PCLO: variants seen among roughly 807,000 people sequenced by gnomAD.
PCLO encodes the protein protein piccolo.
A neutral mutation model predicts 427.5 loss-of-function variants in PCLO; 82 were observed. The observed-to-expected ratio is 0.19, with a 90% CI of 0.16 to 0.23. The LOEUF (loss-of-function observed/expected upper bound fraction) is 0.23. Ranked by LOEUF, PCLO falls within the 10% of genes least tolerant of loss-of-function variation. PCLO has a pLI of 1.00. For synonymous variants in PCLO, 2,357 were observed against 2,155.4 expected (o/e 1.09, Z -2.59); for missense variants, 6,239 against 6,115.9 (o/e 1.02, Z -0.67).
At chr7:82,797,162 T>G (rs867525206) in intron 22 of PCLO, among the ~76,000 whole-genome samples, 18 of 152,224 alleles carry the variant, frequency 1.2e-4, no homozygotes, top group African/African-American at 3.1e-4. Context: ...TTACTGAAAC[T>G]AAATTGGATT....
At position 82,949,682 on chromosome 7, in the gene PCLO, A is replaced by G; in HGVS notation, c.10906T>C (p.Leu3636=). ...TCATAAGGTACAAAGGCTGATTCTAAGGCTTTGCCTGGTGAAAGTGGTGAG... is the reference window on the plus strand; with the variant it reads ...TCATAAGGTACAAAGGCTGATTCTAGGGCTTTGCCTGGTGAAAGTGGTGAG... The part of the protein sequence containing the change: ...PISPLSPGKA[L]ESAFVPYEKP... The change falls in exon 6 of 25, where the codon TTA becomes CTA. Residue 3636 remains leucine (L), a synonymous_variant. Transcript: ENST00000333891. 1 of 1,613,892 alleles carries G rather than the reference A, an allele frequency of 6.2e-7. No individual in the cohort carries two copies. The highest frequency in any genetic ancestry group is 2.2e-5 in the East Asian group (1 of 44,864).
intron 10 of PCLO, among the ~76,000 whole-genome samples, chr7:82,852,321 A>G (rs1562818777): frequency 6.6e-6 from 1 of 152,130 alleles, no homozygotes. Flanking sequence ...AAATCAGATT[A>G]ACATTTTAGT....
At chr7:82,805,922 G>T in intron 20 of PCLO, 93 bp from the exon 21 acceptor site, 1 of 1,276,036 alleles carries the variant, frequency 7.8e-7, no homozygotes, top group Non-Finnish European at 1.1e-6. Context: ...TAATTTACAT[G>T]TGACAAGAAA....
intron 3 of PCLO, among the ~76,000 whole-genome samples, chr7:83,059,213 A>C (rs984472170): frequency 1.6e-4 from 24 of 149,398 alleles, no homozygotes; most frequent in Admixed American, 5.4e-4. Flanking sequence ...TTTTCTTAGC[A>C]CTTGTGGAAC....
rs776869234 is a variant in PCLO at position 82,955,943 on chromosome 7, A to T, written c.5010T>A (p.Ile1670=). ...TATCTGCTATTGTACTGTTGAGCTC[A>T]ATTGTTTTAAATCGGCGTAGCCCTC... The part of the protein sequence containing the change: ...GGGGLRRFKT[I]ELNSTIADKY... Residue 1670 remains isoleucine (I), a synonymous_variant, in exon 5 of 25, where the codon ATT becomes ATA. Coordinates refer to ENST00000333891, the MANE Select transcript of PCLO (RefSeq NM_033026.6). 15 of 1,613,806 alleles carry T rather than the reference A, an allele frequency of 9.3e-6. No homozygotes were observed. Among genetic ancestry groups the T allele is most frequent in the Non-Finnish European group, 1.3e-5 (15 of 1,179,870 alleles).
At chr7:82,961,321 C>T (rs776548266) in intron 4 of PCLO, among the ~76,000 whole-genome samples, 3 of 152,036 alleles carry the variant, frequency 2.0e-5, no homozygotes, top group South Asian at 2.1e-4. Context: ...CATCAGTGCA[C>T]GTAGAAAAAC....
At chr7:82,765,480 C>A (rs1190638069) in intron 22 of PCLO, among the ~76,000 whole-genome samples, 4 of 151,752 alleles carry the variant, frequency 2.6e-5, no homozygotes, top group African/African-American at 4.8e-5. Context: ...GAAAAACCCA[C>A]CAACAAAATA....
chr7:83,117,671 C>T (rs757731009), intron 3 of PCLO, among the ~76,000 whole-genome samples: 19 of 152,278 alleles, frequency 1.2e-4, no homozygotes, highest in South Asian at 6.2e-4. Context: ...GCCCATATTG[C>T]ATCACCCCCA....
chr7:82,933,620 TA>T (rs11342871), intron 6 of PCLO, among the ~76,000 whole-genome samples: 83,262 of 151,514 alleles, frequency 0.55, 23,324 homozygotes, highest in East Asian at 0.8. Context: ...ATGCTCCAGA[TA>T]AAGGTTACAA....
At position 82,954,670 on chromosome 7, in the gene PCLO, T is replaced by C; in HGVS notation, c.6283A>G (p.Thr2095Ala). The C allele has an allele frequency of 6.2e-7, 1 of 1,613,936 alleles. No homozygotes were observed. The highest frequency in any genetic ancestry group is 8.5e-7 in the Non-Finnish European group (1 of 1,179,836). ...TCTGGCATTCTGTCAAAGTCCATGG[T>C]GGACTCTGTCATATCCTCACCAATG... The part of the protein sequence containing the change: ...APIGEDMTES[T>A]MDFDRMPDAS... The change falls in exon 5 of 25, where the codon ACC (threonine) becomes GCC (alanine). Residue 2095 changes from threonine (T) to alanine (A), a missense_variant. Physicochemically the swap from Thr to Ala is moderately conservative, Grantham distance 58. Transcript: ENST00000333891.
intron 6 of PCLO, among the ~76,000 whole-genome samples, chr7:82,920,588 A>C (rs1289213667): frequency 6.6e-6 from 1 of 151,894 alleles, no homozygotes; most frequent in Admixed American, 6.6e-5. Context: ...TCAAGCTAAC[A>C]AACAAATAAC....
chr7:82,972,911 T>A (rs1423936586), intron 3 of PCLO, among the ~76,000 whole-genome samples: 2 of 152,144 alleles, frequency 1.3e-5, no homozygotes, highest in African/African-American at 2.4e-5. Flanking sequence ...GGAGCAATGT[T>A]ACCCGTAACT....
chr7:82,854,023 T>C (rs772275793), intron 10 of PCLO, among the ~76,000 whole-genome samples: 10 of 152,162 alleles, frequency 6.6e-5, no homozygotes, highest in Non-Finnish European at 1.3e-4. Flanking sequence ...TTCTTAATTA[T>C]TTTCCTTATC....
At chr7:82,855,923 A>AT (rs1422036187) in intron 10 of PCLO, among the ~76,000 whole-genome samples, 2 of 152,158 alleles carry the variant, frequency 1.3e-5, no homozygotes, top group South Asian at 2.1e-4. Flanking sequence ...TGTCTGGCAT[A>AT]TTTTTTCAAT....
intron 18 of PCLO, 51 bp from the exon 19 acceptor site, chr7:82,824,467 G>T: frequency 8.6e-7 from 1 of 1,157,516 alleles, no homozygotes; most frequent in South Asian, 1.5e-5. Flanking sequence ...AAGTATAATT[G>T]ATTCATTACT....
intron 9 of PCLO, among the ~76,000 whole-genome samples, chr7:82,893,620 G>C (rs1429185171): frequency 6.6e-6 from 1 of 151,702 alleles, no homozygotes; most frequent in African/African-American, 2.4e-5. Context: ...TCTATAACAG[G>C]ATTAGGACAC....
chr7:82,829,993 A>G (rs979800503), intron 16 of PCLO, among the ~76,000 whole-genome samples: 3 of 152,020 alleles, frequency 2.0e-5, no homozygotes, highest in Non-Finnish European at 4.4e-5. Context: ...TGGTATAAAC[A>G]TAAAATCATG....
chr7:82,953,106 A>G lies in PCLO; in HGVS notation c.7847T>C (p.Val2616Ala), dbSNP rs767502863. 6.8e-6 allele frequency: 11 copies of G among 1,613,880 alleles called. No homozygotes were observed. Among genetic ancestry groups the G allele is most frequent in the Non-Finnish European group, 8.5e-6 (10 of 1,179,880 alleles). Residue 2616 changes from valine to alanine, a missense_variant, in exon 5 of 25, where the codon GTT (valine) becomes GCT (alanine). Around this residue, in one of 5 missense-constraint regions of PCLO, gnomAD observed 4,677 missense variants for 4,468.4 expected, o/e 1.05. Coordinates refer to ENST00000333891, the MANE Select transcript of PCLO (RefSeq NM_033026.6). ...AGGAACTACAGAAAACACAGGTTCA[A>G]CAGAAACCAGATCTTTGGAGGGTGA... Reference protein sequence around the residue: ...LGSPSKDLVSVEPVFSVVPPV... With the variant: ...LGSPSKDLVSAEPVFSVVPPV...
intron 3 of PCLO, among the ~76,000 whole-genome samples, chr7:83,045,084 G>A (rs1789072347): frequency 6.6e-6 from 1 of 151,960 alleles, no homozygotes; most frequent in African/African-American, 2.4e-5. Context: ...ATCTGATTAG[G>A]CCCTGATTTT....
Sources: allele counts gnomAD v4.1 joint callset (sites outside exome capture counted in the v4.1 genomes callset), GRCh38; gene constraint gnomAD v4.1.1; regional missense constraint gnomAD v4.1.1; transcripts MANE v1.5; gene names NCBI Gene and HGNC (gene_info 2026-07-23, HGNC 2026-07-21).